The following ATP7B variants were observed in gnomAD, a reference collection of about 807,000 sequenced individuals.
ATP7B encodes ATPase copper transporting beta.
ATP7B carries 113 observed loss-of-function variants against 118.9 expected under a neutral mutation model. The ratio of observed to expected loss-of-function variants is 0.95; its 90% CI spans 0.82 to 1.11. The LOEUF is 1.11. ATP7B is among the 50% of genes most tolerant of loss of function. ATP7B has a pLI of 0.00. For synonymous variants in ATP7B, 777 were observed against 727.4 expected, an observed-to-expected ratio of 1.07 and a Z score of -1.10; for missense variants, 1,867 against 1,871.4, an observed-to-expected ratio of 1.00 and a Z score of 0.04.
chr13:51,937,679 C>G lies in ATP7B; in HGVS notation c.3700G>C (p.Val1234Leu). Residue 1234 changes from valine to leucine, a missense_variant and splice_region_variant, in exon 18 of 21, where the codon GTT becomes CTT. Coordinates refer to ENST00000242839, the MANE Select transcript of ATP7B (RefSeq NM_000053.4). ...RKTARAIATQVGINKVFAEVL... is the reference protein window; with the variant it reads ...RKTARAIATQLGINKVFAEVL... ...TCTGCAAAGACTTTGTTGATGCCAA[C>G]CTAAGACAAAAGGAAGGCAATGCCT... 1 of 1,614,172 alleles carries G rather than the reference C, an allele frequency of 6.2e-7. No homozygotes were observed. The highest frequency in any genetic ancestry group is 8.5e-7 in the Non-Finnish European group (1 of 1,180,042).
At chr13:51,948,366 T>G (rs910388994) in intron 12 of ATP7B, among the ~76,000 whole-genome samples, 9 of 152,144 alleles carry the variant, frequency 5.9e-5, no homozygotes, top group Non-Finnish European at 1.3e-4. Flanking sequence ...TCCTCTGCCT[T>G]AGCCTCCCAA....
chr13:52,010,622 A>AT (rs1473246485), intron 1 of ATP7B, among the ~76,000 whole-genome samples: 1 of 152,238 alleles, frequency 6.6e-6, no homozygotes. Flanking sequence ...TAAAACAAAA[A>AT]TTTTAACACC....
intron 5 of ATP7B, among the ~76,000 whole-genome samples, chr13:51,963,144 A>AAGC (rs1958860960): frequency 6.6e-6 from 1 of 152,074 alleles, no homozygotes; most frequent in Non-Finnish European, 1.5e-5. Flanking sequence ...TTGTGTTCAA[A>AAGC]AGCACCACAT....
At chr13:51,989,033 T>C (rs577236499) in intron 1 of ATP7B, among the ~76,000 whole-genome samples, 3 of 152,122 alleles carry the variant, frequency 2.0e-5, no homozygotes, top group African/African-American at 7.2e-5. Context: ...TCTGCACATG[T>C]ACCCCAGAAC....
intron 13 of ATP7B, among the ~76,000 whole-genome samples, chr13:51,945,243 T>C (rs1404807614): frequency 2.6e-5 from 4 of 152,168 alleles, no homozygotes; most frequent in Admixed American, 2.6e-4. Flanking sequence ...TTCAGAACAC[T>C]TTACTAAATC....
rs761990581 is a variant in ATP7B, at chr13:51,934,872, C to T, written c.4282G>A (p.Val1428Met). The change falls in exon 21 of 21, where the codon GTG (valine) becomes ATG (methionine). Residue 1428 changes from valine to methionine, a missense_variant. Val to Met is a conservative substitution (Grantham distance 21, BLOSUM62 1). Transcript: ENST00000242839. Reference sequence around the variant, plus strand: ...TCGGACGTCAGGGAGGACAGCGACACCTGGCTGACATAGCTGACCTGGTCC... The same window carrying T: ...TCGGACGTCAGGGAGGACAGCGACATCTGGCTGACATAGCTGACCTGGTCC... The part of the protein sequence containing the change: ...PWDQVSYVSQ[V>M]SLSSLTSDKP... The T allele has an allele frequency of 1.2e-6, 2 of 1,614,212 alleles. No homozygotes were observed. Among genetic ancestry groups the T allele is most frequent in the South Asian group, 2.2e-5 (2 of 91,082 alleles).
intron 15 of ATP7B, 150 bp from the exon 16 acceptor site, chr13:51,941,374 C>CAAA: frequency 1.1e-5 from 7 of 640,398 alleles, no homozygotes; most frequent in Non-Finnish European, 1.5e-5. Context: ...TCCTTTAGGA[C>CAAA]AAAAAAAAAA....
intron 1 of ATP7B, among the ~76,000 whole-genome samples, chr13:51,984,620 C>T (rs1315061395): frequency 1.3e-5 from 2 of 152,112 alleles, no homozygotes; most frequent in Middle Eastern, 3.2e-3. Flanking sequence ...TCGTCAGATT[C>T]ACCAAGCTTG....
At chr13:51,959,945 C>A (rs1958618948) in intron 7 of ATP7B, 1 of 630,454 alleles carries the variant, frequency 1.6e-6, no homozygotes, top group East Asian at 2.8e-5. Context: ...CCTTAGTAGT[C>A]CCCCACACTG....
intron 7 of ATP7B, 161 bp downstream of exon 7, chr13:51,959,987 A>G: frequency 3.0e-6 from 3 of 1,007,980 alleles, no homozygotes; most frequent in Non-Finnish European, 4.5e-6. Flanking sequence ...ACTGGTCATT[A>G]AGAGAGAAAA....
At chr13:51,955,875 GT>G (rs1381504197) in intron 9 of ATP7B, among the ~76,000 whole-genome samples, 1 of 152,208 alleles carries the variant, frequency 6.6e-6, no homozygotes, top group Admixed American at 6.5e-5. Context: ...ACAGGGTCCT[GT>G]TTGGGGGCAG....
At chr13:51,952,246 C>T (rs1207951059) in intron 9 of ATP7B, among the ~76,000 whole-genome samples, 3 of 152,178 alleles carry the variant, frequency 2.0e-5, no homozygotes, top group African/African-American at 7.2e-5. Context: ...CACCTACGGC[C>T]CAGGGCCAGC....
rs762746959 is a variant in ATP7B at position 51,958,475 on chromosome 13, C to A, written c.2191G>T (p.Val731Leu). 2.3e-5 allele frequency: 37 copies of A among 1,614,060 alleles called. No homozygotes were observed. Among genetic ancestry groups the A allele is most frequent in the Non-Finnish European group, 2.9e-5 (34 of 1,180,048 alleles). Reference protein sequence around the residue: ...SLRHRSANMDVLIVLATSIAY... With the variant: ...SLRHRSANMDLLIVLATSIAY... ...ATGCTTGTGGCCAGGACGATGAGCA[C>A]GTCCATGTTGGCTGACCTGTGTCTC... The change falls in exon 8 of 21, where the codon GTG becomes TTG. Residue 731 changes from valine to leucine, a missense_variant. Val to Leu is a conservative substitution (Grantham distance 32, BLOSUM62 1). Transcript: ENST00000242839.
At position 51,943,943 on chromosome 13, in the gene ATP7B, AG is replaced by A. The variant is rs372746511; in HGVS notation, c.3243+165del. Among the ~76,000 whole-genome samples, 26 of 150,172 alleles carry A rather than the reference AG, an allele frequency of 1.7e-4. No individual in the cohort carries two copies. In the East Asian group the frequency reaches 4.8e-3, roughly 28 times the overall value. On this transcript the variant is annotated intron_variant, in intron 14 of 20. Transcript: ENST00000242839. ...TTTGTGATAACCTGGAACTGTGGCA[AG>A]GGCTGACTGTGAGCCCTATATCTCC...
chr13:51,983,425 A>G (rs1683965569), intron 1 of ATP7B, among the ~76,000 whole-genome samples: 1 of 152,130 alleles, frequency 6.6e-6, no homozygotes, highest in African/African-American at 2.4e-5. Flanking sequence ...TCAGGGGCTT[A>G]TAGATGAAGC....
At chr13:52,007,291 C>A (rs572413970) in intron 1 of ATP7B, among the ~76,000 whole-genome samples, 1 of 152,118 alleles carries the variant, frequency 6.6e-6, no homozygotes, top group Non-Finnish European at 1.5e-5. Context: ...AATAAAAAAT[C>A]GCTGAGAAAG....
At chr13:51,960,079 A>G in intron 7 of ATP7B, 69 bp downstream of exon 7, 1 of 1,556,912 alleles carries the variant, frequency 6.4e-7, no homozygotes. Context: ...GTTTGCGCTT[A>G]GCGGGCAGAA....
intron 1 of ATP7B, among the ~76,000 whole-genome samples, chr13:52,003,017 T>C (rs1017380969): frequency 1.3e-5 from 2 of 152,228 alleles, no homozygotes; most frequent in Non-Finnish European, 2.9e-5. Flanking sequence ...TGTGTCTGGT[T>C]TGATCTTATG....
At chr13:52,002,431 T>C (rs1197073599) in intron 1 of ATP7B, among the ~76,000 whole-genome samples, 7 of 148,094 alleles carry the variant, frequency 4.7e-5, no homozygotes, top group Admixed American at 4.7e-4. Flanking sequence ...CTGGGCATGG[T>C]GGCACATGCC....
Sources: allele counts gnomAD v4.1 joint callset (sites outside exome capture counted in the v4.1 genomes callset), GRCh38; gene constraint gnomAD v4.1.1; transcripts MANE v1.5; gene names NCBI Gene and HGNC (gene_info 2026-07-23, HGNC 2026-07-21).